The following APBA1 variants were observed in gnomAD, a reference collection of about 807,000 sequenced individuals.
APBA1 encodes the protein amyloid beta precursor protein binding family A member 1, also known as amyloid-beta A4 precursor protein-binding family A member 1.
In APBA1, 55 loss-of-function variants were observed where a neutral mutation model predicts 86.6. The ratio of observed to expected loss-of-function variants is 0.64; its 90% CI spans 0.51 to 0.80. The LOEUF is 0.80. APBA1 is among the 30% of genes least tolerant of loss of function. The pLI, the probability that APBA1 is intolerant of heterozygous loss-of-function variation, is 0.00. For synonymous variants in APBA1, 511 were observed against 493.9 expected (o/e 1.03, Z -0.46); for missense variants, 1,090 against 1,183.0 (o/e 0.92, Z 1.15).
chr9:69,586,080 A>G (rs113323023), intron 1 of APBA1, among the ~76,000 whole-genome samples: 5 of 152,254 alleles, frequency 3.3e-5, no homozygotes, highest in African/African-American at 1.2e-4. Context: ...CTGAACCCTT[A>G]CTGCAGCTGC....
At chr9:69,543,978 T>C (rs1588353099) in intron 1 of APBA1, among the ~76,000 whole-genome samples, 1 of 152,222 alleles carries the variant, frequency 6.6e-6, no homozygotes, top group East Asian at 1.9e-4. Context: ...AAACTCAATT[T>C]CCTTCTGGAT....
chr9:69,531,956 C>A (rs1323359905), intron 1 of APBA1, among the ~76,000 whole-genome samples: 1 of 152,210 alleles, frequency 6.6e-6, no homozygotes, highest in African/African-American at 2.4e-5. Flanking sequence ...TCTTCTCAAT[C>A]TGGCTCATAC....
rs751251807 is a variant in APBA1, at chr9:69,534,517, T to C, written c.-69-17238A>G. On this transcript the variant is annotated intron_variant, in intron 1 of 12. Coordinates refer to ENST00000265381, the MANE Select transcript of APBA1 (RefSeq NM_001163.4). ...TATCCTGGATCCCTGAATCAACCAC[T>C]TGGAGGAAAACTGTGTTCCAACCAG... Among the ~76,000 whole-genome samples, 5 of 152,226 alleles carry C rather than the reference T, an allele frequency of 3.3e-5. 1 individual carries two copies. The South Asian group carries it at 8.3e-4, about 25-fold the overall frequency.
At chr9:69,488,536 A>T (rs926880605) in intron 2 of APBA1, among the ~76,000 whole-genome samples, 3 of 152,130 alleles carry the variant, frequency 2.0e-5, no homozygotes, top group Admixed American at 6.5e-5. Flanking sequence ...GGTGGTCATC[A>T]TTTCAAATGA....
chr9:69,605,645 G>A (rs1214021754), intron 1 of APBA1, among the ~76,000 whole-genome samples: 1 of 152,208 alleles, frequency 6.6e-6, no homozygotes, highest in Admixed American at 6.5e-5. Context: ...TGCCCTTTGA[G>A]CTGCTGACTA....
chr9:69,581,264 G>A lies in APBA1; in HGVS notation c.-69-63985C>T, dbSNP rs549987599. Among the ~76,000 whole-genome samples, 28 of 152,232 alleles carry A rather than the reference G, an allele frequency of 1.8e-4. No homozygotes were observed. The East Asian group carries it at 5.4e-3, about 29-fold the overall frequency. ...CACCTTGGGATTATATGTTTGCATG[G>A]CCACTACTATTATTTCTGTTGCAAG... On this transcript the variant is annotated intron_variant, in intron 1 of 12. Transcript: ENST00000265381.
intron 1 of APBA1, among the ~76,000 whole-genome samples, chr9:69,627,044 G>A (rs1247260533): frequency 6.6e-6 from 1 of 152,034 alleles, no homozygotes. Flanking sequence ...ATACAATGCT[G>A]ACCTACTCTT....
chr9:69,646,357 A>C (rs1421433229), intron 1 of APBA1, among the ~76,000 whole-genome samples: 1 of 152,218 alleles, frequency 6.6e-6, no homozygotes, highest in African/African-American at 2.4e-5. Flanking sequence ...TTTTTAAAAC[A>C]TATAGAAAAC....
intron 1 of APBA1, among the ~76,000 whole-genome samples, chr9:69,559,628 A>C (rs1836918284): frequency 6.6e-6 from 1 of 151,982 alleles, no homozygotes; most frequent in Non-Finnish European, 1.5e-5. Flanking sequence ...GTCGACGGTT[A>C]TTTTTTCTCA....
At position 69,565,315 on chromosome 9, in the gene APBA1, G is replaced by A. The variant is rs560858516; in HGVS notation, c.-69-48036C>T. 2.9e-4 allele frequency among the ~76,000 whole-genome samples: 44 copies of A among 152,202 alleles called. No individual in the cohort carries two copies. In the East Asian group the frequency reaches 7.0e-3, roughly 24 times the overall value. On this transcript the variant is annotated intron_variant, in intron 1 of 12. Coordinates refer to ENST00000265381, the MANE Select transcript of APBA1 (RefSeq NM_001163.4). Reference sequence around the variant, plus strand: ...CGGACCCCAGCCTCCACATGCCACAGCCAGTGCTGTGCCTCAGCAAAACTG... The same window carrying A: ...CGGACCCCAGCCTCCACATGCCACAACCAGTGCTGTGCCTCAGCAAAACTG...
intron 1 of APBA1, among the ~76,000 whole-genome samples, chr9:69,555,292 T>A (rs1487391555): frequency 6.6e-6 from 1 of 152,196 alleles, no homozygotes; most frequent in East Asian, 1.9e-4. Context: ...AAGGAATGGA[T>A]AACCAGGCTG....
At chr9:69,455,645 G>A (rs1378002565) in intron 8 of APBA1, among the ~76,000 whole-genome samples, 1 of 152,154 alleles carries the variant, frequency 6.6e-6, no homozygotes. Context: ...TTGCTGGGGA[G>A]GGACAGGGAT....
chr9:69,560,331 A>G (rs1483733028), intron 1 of APBA1, among the ~76,000 whole-genome samples: 2 of 152,176 alleles, frequency 1.3e-5, no homozygotes, highest in Non-Finnish European at 2.9e-5. Context: ...TTTGTCCACC[A>G]TGTTTCCAGA....
chr9:69,562,671 G>A (rs528238151), intron 1 of APBA1, among the ~76,000 whole-genome samples: 19 of 151,914 alleles, frequency 1.3e-4, no homozygotes, highest in South Asian at 2.1e-4. Flanking sequence ...CACTGTACCC[G>A]GCCTGTATTT....
chr9:69,592,088 C>T (rs777069032), intron 1 of APBA1, among the ~76,000 whole-genome samples: 35 of 152,130 alleles, frequency 2.3e-4, no homozygotes, highest in Non-Finnish European at 5.9e-5. Flanking sequence ...ATCCATTTAA[C>T]TGGGTTATTA....
chr9:69,485,614 CAG>C (rs1196979546), intron 2 of APBA1, among the ~76,000 whole-genome samples: 1 of 152,068 alleles, frequency 6.6e-6, no homozygotes, highest in Non-Finnish European at 1.5e-5. Context: ...GATGCAAATG[CAG>C]GGTCAGGAGT....
At chr9:69,502,320 G>C (rs896044581) in intron 2 of APBA1, among the ~76,000 whole-genome samples, 1 of 152,038 alleles carries the variant, frequency 6.6e-6, no homozygotes, top group African/African-American at 2.4e-5. Flanking sequence ...GAGCTGAACC[G>C]ACAGGTGAAA....
chr9:69,512,096 A>AT (rs200097490), intron 2 of APBA1, among the ~76,000 whole-genome samples: 10 of 151,882 alleles, frequency 6.6e-5, no homozygotes, highest in Admixed American at 3.3e-4. Context: ...AAATAAATAA[A>AT]AAGAAAAAAA....
chr9:69,506,066 G>C (rs552070947), intron 2 of APBA1, among the ~76,000 whole-genome samples: 1 of 151,824 alleles, frequency 6.6e-6, no homozygotes, highest in East Asian at 1.9e-4. Flanking sequence ...GAGGAGCCAA[G>C]ATGGCCGAAT....
Sources: gnomAD v4.1 joint callset for allele counts (sites outside exome capture counted in the v4.1 genomes callset) on GRCh38, gnomAD v4.1.1 for gene constraint, MANE v1.5 for transcripts, NCBI Gene and HGNC (gene_info 2026-07-23, HGNC 2026-07-21) for gene names.